Variants in PAGE4 observed in about 807,000 individuals in gnomAD.
PAGE4 encodes the protein PAGE family member 4.
A neutral mutation model predicts 8.5 loss-of-function variants in PAGE4; 1 was observed. The ratio of observed to expected loss-of-function variants is 0.12; its 90% CI spans 0.04 to 0.56. The LOEUF (loss-of-function observed/expected upper bound fraction) is 0.56. PAGE4 is among the 20% of genes least tolerant of loss of function. The pLI, the probability that PAGE4 is intolerant of heterozygous loss-of-function variation, is 0.91. For synonymous variants in PAGE4, 26 were observed against 26.3 expected, an observed-to-expected ratio of 0.99 and a Z score of 0.04; for missense variants, 93 against 82.7, an observed-to-expected ratio of 1.13 and a Z score of -0.49.
chrX:49,831,376 T>A (rs1436159011), intron 3 of PAGE4: 3 of 266,822 alleles, frequency 1.1e-5, no homozygotes, highest in Non-Finnish European at 1.3e-5. Flanking sequence ...TTGTAAACTG[T>A]TTCATGAGTT....
intron 2 of PAGE4, 36 bp from the exon 3 acceptor site, chrX:49,830,961 T>C (rs782026106): frequency 1.1e-6 from 1 of 919,393 alleles, no homozygotes; most frequent in Non-Finnish European, 1.5e-6. Context: ...AATAACAATA[T>C]TCTATTTGCA....
chrX:49,834,115 A>G lies in PAGE4; in HGVS notation c.*253A>G. On this transcript the variant is annotated 3_prime_UTR_variant, in exon 5 of 5. Transcript: ENST00000218068. ...TTGGGCAACATTGCTAAACTTGCCT[A>G]TTCTGTTGGTTTATCCCTACGTCCT... 2.8e-6 allele frequency: 1 copy of G among 359,921 alleles called. No homozygotes were observed. Among genetic ancestry groups the G allele is most frequent in the South Asian group, 5.7e-5 (1 of 17,446 alleles). The allele number at this position is 359,921 out of a possible 1,213,427, so 29.7% of individuals were successfully genotyped here.
At chrX:49,831,981 T>C (rs1454231318) in intron 3 of PAGE4, among the ~76,000 whole-genome samples, 1 of 111,830 alleles carries the variant, frequency 8.9e-6, no homozygotes, top group African/African-American at 3.2e-5. Flanking sequence ...AGACTACTCA[T>C]TGCATTTAGT....
intron 3 of PAGE4, among the ~76,000 whole-genome samples, chrX:49,831,538 C>T (rs1000627866): frequency 5.4e-5 from 6 of 111,737 alleles, no homozygotes; most frequent in Non-Finnish European, 1.1e-4. Flanking sequence ...TTTTAGTTAC[C>T]GTTAAAAGTC....
Position 49,830,441 on chromosome X carries a change from G to A in PAGE4, c.13G>A (p.Val5Met). The A allele has an allele frequency of 8.3e-7, 1 of 1,203,362 alleles. No homozygotes were observed. The highest frequency in any genetic ancestry group is 1.1e-6 in the Non-Finnish European group (1 of 889,285). MSAR[V>M]RSRSRGRGDG... ...TCTAGTTGCAGCGATGAGTGCACGA[G>A]TGAGATCAAGATCCAGAGGAAGAGG... Residue 5 changes from valine to methionine, a missense_variant, in exon 2 of 5, where the codon GTG (valine) becomes ATG (methionine). Physicochemically the swap from Val to Met is conservative, Grantham distance 21. Coordinates refer to ENST00000218068, the MANE Select transcript of PAGE4 (RefSeq NM_007003.4).
Position 49,832,655 on chromosome X carries a change from G to A in PAGE4, c.292+5G>A, listed in dbSNP as rs1923513561. Reference sequence around the variant, plus strand: ...ATGCTAAGACTAAAGAAGCAGGTACGTTATTCATTCGGAATGGAAGTCATG... The same window carrying A: ...ATGCTAAGACTAAAGAAGCAGGTACATTATTCATTCGGAATGGAAGTCATG... On this transcript the variant is annotated splice_donor_5th_base_variant and intron_variant, in intron 4 of 4. Transcript: ENST00000218068. 2.5e-6 allele frequency: 3 copies of A among 1,190,652 alleles called. No individual in the cohort carries two copies. Among genetic ancestry groups the A allele is most frequent in the African/African-American group, 1.8e-5 (1 of 56,262 alleles).
chrX:49,830,446 A>C lies in PAGE4; in HGVS notation c.18A>C (p.Arg6Ser), dbSNP rs781845006. 17 of 1,203,393 alleles carry C rather than the reference A, an allele frequency of 1.4e-5. No individual in the cohort carries two copies. The East Asian group carries it at 5.0e-4, about 36-fold the overall frequency. MSARV[R>S]SRSRGRGDGQ... ...TTGCAGCGATGAGTGCACGAGTGAGATCAAGATCCAGAGGAAGAGGAGATG... is the reference window on the plus strand; with the variant it reads ...TTGCAGCGATGAGTGCACGAGTGAGCTCAAGATCCAGAGGAAGAGGAGATG... Residue 6 changes from arginine to serine, a missense_variant, in exon 2 of 5, where the codon AGA becomes AGC. Arg to Ser is a moderately radical substitution (Grantham distance 110, BLOSUM62 -1). Transcript: ENST00000218068.
intron 4 of PAGE4, 38 bp from the exon 5 acceptor site, chrX:49,833,808 G>A (rs1923547222): frequency 1.5e-5 from 16 of 1,100,745 alleles, no homozygotes; most frequent in Non-Finnish European, 2.0e-5. Context: ...GTAAAGTTCT[G>A]CTAAGTAATG....
Position 49,832,600 on chromosome X carries a change from T to C in PAGE4, c.242T>C (p.Val81Ala). Reference protein sequence around the residue: ...TRSERGDGSDVKEKTPPNPKH... With the variant: ...TRSERGDGSDAKEKTPPNPKH... ...AGTGAGCGTGGAGATGGCTCTGATG[T>C]AAAAGAGAAGACTCCACCTAATCCT... The change falls in exon 4 of 5, where the codon GTA becomes GCA. Residue 81 changes from valine (V) to alanine (A), a missense_variant. Coordinates refer to ENST00000218068, the MANE Select transcript of PAGE4 (RefSeq NM_007003.4). The C allele has an allele frequency of 1.7e-6, 2 of 1,201,552 alleles. No homozygotes were observed. Among genetic ancestry groups the C allele is most frequent in the Non-Finnish European group, 2.3e-6 (2 of 888,051 alleles).
intron 4 of PAGE4, among the ~76,000 whole-genome samples, 195 bp from the exon 5 acceptor site, chrX:49,833,651 C>T (rs781957711): frequency 8.9e-6 from 1 of 112,040 alleles, no homozygotes; most frequent in Admixed American, 9.4e-5. Flanking sequence ...CCTTGTACCA[C>T]TAGAGTGAGG....
intron 4 of PAGE4, among the ~76,000 whole-genome samples, chrX:49,833,460 T>G (rs1450087200): frequency 4.4e-5 from 5 of 112,485 alleles, no homozygotes; most frequent in Non-Finnish European, 9.4e-5. Context: ...AAGTTTTTAG[T>G]CAATACATTT....
intron 4 of PAGE4, among the ~76,000 whole-genome samples, chrX:49,833,559 G>A (rs140398246): frequency 0.013 from 1,507 of 111,884 alleles, 21 homozygotes; most frequent in African/African-American, 0.047. Flanking sequence ...TGAAATCAGT[G>A]GCTGTTTTTG....
In PAGE4 at chrX:49,831,048, C is replaced by T; in HGVS notation, c.130C>T (p.Pro44Ser). 8.4e-7 allele frequency: 1 copy of T among 1,189,669 alleles called. No individual in the cohort carries two copies. Among genetic ancestry groups the T allele is most frequent in the Non-Finnish European group, 1.1e-6 (1 of 884,245 alleles). ...ACCAACTGACAATCAGGATATTGAA[C>T]CTGGACAAGAGAGAGAAGGAACACC... Reference protein sequence around the residue: ...EPPTDNQDIEPGQEREGTPPI... With the variant: ...EPPTDNQDIESGQEREGTPPI... Residue 44 changes from proline to serine, a missense_variant, in exon 3 of 5, where the codon CCT becomes TCT. Coordinates refer to ENST00000218068, the MANE Select transcript of PAGE4 (RefSeq NM_007003.4).
rs782098435 is a variant in PAGE4 at position 49,830,394 on chromosome X, T to G, written c.-30-5T>G. 4 of 996,609 alleles carry G rather than the reference T, an allele frequency of 4.0e-6. No homozygotes were observed. Among genetic ancestry groups the G allele is most frequent in the Non-Finnish European group, 1.4e-6 (1 of 715,254 alleles). The allele number at this position is 996,609 out of a possible 1,213,427, so 82.1% of individuals were successfully genotyped here. On this transcript the variant is annotated splice_polypyrimidine_tract_variant and splice_region_variant and intron_variant, in intron 1 of 4. Transcript: ENST00000218068. ...GTCAAGTATAATTACTCCTTTTTAT[T>G]GCAGTCTTCAGTTCACGATCTTCTA...
chrX:49,830,333 A>T (rs1557156381), intron 1 of PAGE4, 66 bp from the exon 2 acceptor site: 9 of 505,088 alleles, frequency 1.8e-5, no homozygotes, highest in African/African-American at 4.9e-5. Context: ...TCACAAAATT[A>T]AAAAAAATTA....
chrX:49,830,976 C>T, intron 2 of PAGE4, 21 bp from the exon 3 acceptor site: 1 of 1,082,404 alleles, frequency 9.2e-7, no homozygotes, highest in Non-Finnish European at 1.3e-6. Context: ...TTTGCATCTA[C>T]TCTCCCCCAC....
At chrX:49,830,727 T>C in intron 2 of PAGE4, 1 of 432,465 alleles carries the variant, frequency 2.3e-6, no homozygotes, top group Admixed American at 4.4e-5. Context: ...GTCTTATGAC[T>C]TTCCTATCAT....
chrX:49,834,035 A>G lies in PAGE4; in HGVS notation c.*173A>G. 1 of 434,786 alleles carries G rather than the reference A, an allele frequency of 2.3e-6. No homozygotes were observed. The highest frequency in any genetic ancestry group is 3.8e-5 in the South Asian group (1 of 26,188). 35.8% of individuals were successfully genotyped at this position (434,786 alleles called of 1,213,427 possible). On this transcript the variant is annotated 3_prime_UTR_variant, in exon 5 of 5. Transcript: ENST00000218068. ...ACACTATTGTAAATGGTATCTTTAA[A>G]AAATCCTTGTGTTCTGTTTAGAGCT...
intron 2 of PAGE4, 72 bp from the exon 3 acceptor site, chrX:49,830,925 T>G: frequency 1.5e-6 from 1 of 683,015 alleles, no homozygotes; most frequent in Non-Finnish European, 2.3e-6. Context: ...AGTATGTATA[T>G]TTGTGACTTC....
Sources: allele counts gnomAD v4.1 joint callset (sites outside exome capture counted in the v4.1 genomes callset), GRCh38; gene constraint gnomAD v4.1.1; transcripts MANE v1.5; gene names NCBI Gene and HGNC (gene_info 2026-07-23, HGNC 2026-07-21).